DIAPH3: variants seen among roughly 807,000 people sequenced by gnomAD.
DIAPH3 encodes diaphanous related formin 3.
Under a neutral mutation model 144.3 loss-of-function variants are expected in DIAPH3, and 117 were observed. The observed-to-expected ratio is 0.81, with a 90% CI of 0.70 to 0.95. The LOEUF is 0.95. Ranked by LOEUF, DIAPH3 falls within the 40% of genes least tolerant of loss-of-function variation. The probability of loss-of-function intolerance (pLI) is 0.00; values close to 1 mark genes in which losing one functional copy is unlikely to be tolerated. For synonymous variants in DIAPH3, 519 were observed against 488.9 expected, an observed-to-expected ratio of 1.06 and a Z score of -0.81; for missense variants, 1,421 against 1,412.7, an observed-to-expected ratio of 1.01 and a Z score of -0.09.
chr13:59,978,935 T>C (rs775076689), intron 14 of DIAPH3, among the ~76,000 whole-genome samples: 5 of 151,718 alleles, frequency 3.3e-5, no homozygotes, highest in Admixed American at 6.6e-5. Context: ...CTGACATTTC[T>C]GGTCTTCATT....
Position 59,697,491 on chromosome 13 carries a change from A to AAAAAAAAAAAAAAAAAAAAAAG in DIAPH3, c.3320-30646_3320-30645insCTTTTTTTTTTTTTTTTTTTTT, listed in dbSNP as rs1555274392. Among the ~76,000 whole-genome samples, 7 of 78,020 alleles carry AAAAAAAAAAAAAAAAAAAAAAG rather than the reference A, an allele frequency of 9.0e-5. 1 individual carries two copies. Among genetic ancestry groups the AAAAAAAAAAAAAAAAAAAAAAG allele is most frequent in the African/African-American group, 3.1e-4 (7 of 22,564 alleles). The allele number at this position is 78,020 out of a possible 152,430, so 51.2% of individuals were successfully genotyped here. A position where few individuals can be genotyped will look rare whatever the true frequency, so the allele number is the denominator to read the frequency against. ...AAAAAAAAAAAAAAAAAAAAAAAAA[A>AAAAAAAAAAAAAAAAAAAAAAG]AAGAAGAGGGGATTCAACTCATATA... On this transcript the variant is annotated intron_variant, in intron 27 of 27. Transcript: ENST00000400324.
intron 22 of DIAPH3, among the ~76,000 whole-genome samples, chr13:59,840,435 C>T (rs980495739): frequency 6.6e-6 from 1 of 151,316 alleles, no homozygotes; most frequent in Non-Finnish European, 1.5e-5. Flanking sequence ...TGGAAGCAAT[C>T]TAAATGCCCA....
intron 13 of DIAPH3, among the ~76,000 whole-genome samples, chr13:59,981,243 A>G (rs151035963): frequency 6.2e-4 from 94 of 151,596 alleles, no homozygotes; most frequent in African/African-American, 2.2e-3. Context: ...TTGATACTAA[A>G]AAATCACCAA....
At chr13:59,754,618 A>C (rs1453258034) in intron 27 of DIAPH3, among the ~76,000 whole-genome samples, 1 of 152,182 alleles carries the variant, frequency 6.6e-6, no homozygotes, top group African/African-American at 2.4e-5. Flanking sequence ...GAGAATGAAA[A>C]TCGAAACTGT....
At chr13:60,091,209 AT>A (rs1371051025) in intron 4 of DIAPH3, among the ~76,000 whole-genome samples, 2 of 151,670 alleles carry the variant, frequency 1.3e-5, no homozygotes, top group African/African-American at 2.4e-5. Context: ...CCAGTCTGTT[AT>A]TTTTTTTCCA....
chr13:60,110,786 G>C (rs1250336552), intron 3 of DIAPH3, among the ~76,000 whole-genome samples: 1 of 152,158 alleles, frequency 6.6e-6, no homozygotes, highest in South Asian at 2.1e-4. Flanking sequence ...AAAGTGATCT[G>C]GCCCAGTTAT....
chr13:59,669,046 C>G (rs576000034), intron 27 of DIAPH3, among the ~76,000 whole-genome samples: 2 of 152,286 alleles, frequency 1.3e-5, no homozygotes, highest in East Asian at 3.9e-4. Flanking sequence ...GATACTGAGG[C>G]TGTCTTCAAG....
intron 17 of DIAPH3, among the ~76,000 whole-genome samples, chr13:59,959,698 A>G (rs1308829328): frequency 6.6e-6 from 1 of 152,208 alleles, no homozygotes; most frequent in Non-Finnish European, 1.5e-5. Flanking sequence ...AAGGAAACAC[A>G]TTCTTCTCCA....
chr13:59,739,927 T>C lies in DIAPH3; in HGVS notation c.3319+34262A>G, dbSNP rs188714050. 9.8e-4 allele frequency among the ~76,000 whole-genome samples: 149 copies of C among 152,298 alleles called. 1 individual carries two copies. The highest frequency in any genetic ancestry group is 1.9e-3 in the Admixed American group (29 of 15,300). ...ATTTGCTGTGCACCGACAACTTGAA[T>C]CCACATGAATGAAGTGATGTGTAGG... On this transcript the variant is annotated intron_variant, in intron 27 of 27. Coordinates refer to ENST00000400324, the MANE Select transcript of DIAPH3 (RefSeq NM_001042517.2).
At chr13:59,785,890 C>T (rs1162278529) in intron 25 of DIAPH3, among the ~76,000 whole-genome samples, 6 of 152,150 alleles carry the variant, frequency 3.9e-5, no homozygotes, top group Non-Finnish European at 4.4e-5. Flanking sequence ...CCTGGAATTA[C>T]GGCAGCTATG....
intron 2 of DIAPH3, among the ~76,000 whole-genome samples, chr13:60,120,120 T>C (rs1469109068): frequency 2.0e-5 from 3 of 152,072 alleles, no homozygotes; most frequent in Non-Finnish European, 2.9e-5. Context: ...AAAAGTACCT[T>C]GAGAGGGGCT....
chr13:60,015,249 G>A lies in DIAPH3; in HGVS notation c.771+664C>T, dbSNP rs911975303. Among the ~76,000 whole-genome samples the A allele has an allele frequency of 7.2e-5, 11 of 152,098 alleles. No homozygotes were observed. The East Asian group carries it at 1.7e-3, about 24-fold the overall frequency. On this transcript the variant is annotated intron_variant, in intron 7 of 27. Transcript: ENST00000400324. ...AGCCTCAAGCAATCCCTCCTGCCTC[G>A]GCATCCCAAAGCGGTAAGATTATAG...
At chr13:59,944,974 C>T (rs10507644) in intron 17 of DIAPH3, among the ~76,000 whole-genome samples, 36,963 of 152,062 alleles carry the variant, frequency 0.24, 5,443 homozygotes, top group Admixed American at 0.38. Context: ...TCAACATCTA[C>T]ATAACTATGC....
intron 17 of DIAPH3, among the ~76,000 whole-genome samples, chr13:59,942,182 C>T (rs2048569517): frequency 6.6e-6 from 1 of 152,132 alleles, no homozygotes; most frequent in South Asian, 2.1e-4. Flanking sequence ...CCCTTTTGAT[C>T]ACAGGCACCA....
At chr13:59,922,606 T>C (rs1275503760) in intron 18 of DIAPH3, among the ~76,000 whole-genome samples, 1 of 152,014 alleles carries the variant, frequency 6.6e-6, no homozygotes, top group Non-Finnish European at 1.5e-5. Context: ...ACTCTAAATT[T>C]CATGACAAAA....
intron 25 of DIAPH3, among the ~76,000 whole-genome samples, chr13:59,779,979 A>C (rs183648960): frequency 1.3e-5 from 2 of 152,306 alleles, no homozygotes; most frequent in East Asian, 3.9e-4. Flanking sequence ...ATGCATTTAG[A>C]ACATTCAACC....
chr13:60,118,801 G>C (rs2058761102), intron 2 of DIAPH3, among the ~76,000 whole-genome samples: 1 of 152,130 alleles, frequency 6.6e-6, no homozygotes, highest in Non-Finnish European at 1.5e-5. Flanking sequence ...AGTGTTAACA[G>C]GAAATAAAAG....
intron 27 of DIAPH3, 100 bp downstream of exon 27, chr13:59,774,089 T>C: frequency 3.4e-6 from 4 of 1,168,898 alleles, no homozygotes; most frequent in Non-Finnish European, 5.0e-6. Flanking sequence ...ATTTTAGTTA[T>C]ATTGGAACTT....
At chr13:59,932,453 T>C (rs2048065882) in intron 17 of DIAPH3, among the ~76,000 whole-genome samples, 1 of 152,010 alleles carries the variant, frequency 6.6e-6, no homozygotes, top group Non-Finnish European at 1.5e-5. Flanking sequence ...TTTTAAGCAA[T>C]AAATCTGATA....
Sources: gnomAD v4.1 joint callset for allele counts (sites outside exome capture counted in the v4.1 genomes callset) on GRCh38, gnomAD v4.1.1 for gene constraint, MANE v1.5 for transcripts, NCBI Gene and HGNC (gene_info 2026-07-23, HGNC 2026-07-21) for gene names.